ITPK1: variants seen among roughly 807,000 people sequenced by gnomAD.
The protein encoded by ITPK1 is inositol-tetrakisphosphate 1-kinase.
In ITPK1, 21 loss-of-function variants were observed where a neutral mutation model predicts 45.3. The ratio of observed to expected loss-of-function variants is 0.46; its 90% CI spans 0.33 to 0.67. ITPK1 has a LOEUF of 0.67. Among genes scored for constraint, ITPK1 ranks in the 30% least tolerant of loss-of-function variants. The probability of loss-of-function intolerance (pLI) is 0.02; values close to 1 mark genes in which losing one functional copy is unlikely to be tolerated. For synonymous variants in ITPK1, 258 were observed against 253.6 expected (o/e 1.02, Z -0.16); for missense variants, 474 against 573.5 (o/e 0.83, Z 1.77).
intron 3 of ITPK1, among the ~76,000 whole-genome samples, chr14:93,073,572 C>T (rs1052654862): frequency 1.3e-5 from 2 of 152,246 alleles, no homozygotes; most frequent in African/African-American, 2.4e-5. Context: ...AACCGACCTC[C>T]GGTCACCAGC....
rs1595067352 is a variant in ITPK1 at position 92,940,434 on chromosome 14, G to A, written c.*1127C>T. On this transcript the variant is annotated 3_prime_UTR_variant, in exon 11 of 11. Coordinates refer to ENST00000267615, the MANE Select transcript of ITPK1 (RefSeq NM_014216.6). ...CAAGGTGATGGGGTGAGTCTGAGGT[G>A]TGCAGAAGCGATGGGGGGCGGGTGG... The A allele has an allele frequency of 4.5e-6, 5 of 1,119,584 alleles. No individual in the cohort carries two copies. Among genetic ancestry groups the A allele is most frequent in the African/African-American group, 1.7e-5 (1 of 60,166 alleles). The allele number at this position is 1,119,584 out of a possible 1,614,324, so 69.4% of individuals were successfully genotyped here. A position where few individuals can be genotyped will look rare whatever the true frequency, so the allele number is the denominator to read the frequency against.
At position 93,032,964 on chromosome 14, in the gene ITPK1, G is replaced by C. The variant is rs941022020; in HGVS notation, c.121-16163C>G. On this transcript the variant is annotated intron_variant, in intron 3 of 10. Coordinates refer to ENST00000267615, the MANE Select transcript of ITPK1 (RefSeq NM_014216.6). The surrounding 1 kb of genome is among the most constrained non-coding windows in gnomAD (Gnocchi z 4.0). ...GTGGGCTTCATCTCCCTGGGCAGCA[G>C]TTGTGAGCTGCTGAGAAGGCATGGA... Among the ~76,000 whole-genome samples the C allele has an allele frequency of 3.3e-5, 5 of 152,262 alleles. No individual in the cohort carries two copies. The highest frequency in any genetic ancestry group is 7.3e-5 in the Non-Finnish European group (5 of 68,048).
At chr14:93,096,103 C>G (rs1386231290) in intron 2 of ITPK1, among the ~76,000 whole-genome samples, 1 of 152,166 alleles carries the variant, frequency 6.6e-6, no homozygotes, top group Non-Finnish European at 1.5e-5. Context: ...AGGCCTTGCC[C>G]CGGCCACGTC....
rs1891245204 is a variant in ITPK1 at position 93,076,941 on chromosome 14, C to T, written c.96-322G>A. ...AGCCTGGGTCGTCCCAAGGCCCCTG[C>T]CACCAAGTTCACCACCATCCTCACC... On this transcript the variant is annotated intron_variant, in intron 2 of 10. Transcript: ENST00000267615. This position sits in a 1 kb window ranked among gnomAD's most constrained non-coding sequence, Gnocchi z 4.3. Among the ~76,000 whole-genome samples the T allele has an allele frequency of 6.6e-6, 1 of 152,190 alleles. No individual in the cohort carries two copies. Among genetic ancestry groups the T allele is most frequent in the Non-Finnish European group, 1.5e-5 (1 of 68,042 alleles).
intron 3 of ITPK1, among the ~76,000 whole-genome samples, chr14:93,022,913 A>G (rs1261582753): frequency 6.6e-6 from 1 of 152,250 alleles, no homozygotes; most frequent in Non-Finnish European, 1.5e-5. Flanking sequence ...CTTGATAGAG[A>G]TAAGAGTAGG....
chr14:92,993,192 T>C (rs1262177283), intron 5 of ITPK1, among the ~76,000 whole-genome samples: 1 of 152,192 alleles, frequency 6.6e-6, no homozygotes, highest in Admixed American at 6.5e-5. Context: ...GGCCAAGCAC[T>C]TTTCCTTAAA....
At chr14:93,108,988 A>C (rs1892634268) in intron 2 of ITPK1, among the ~76,000 whole-genome samples, 1 of 152,194 alleles carries the variant, frequency 6.6e-6, no homozygotes, top group South Asian at 2.1e-4. Flanking sequence ...ACTCCAGTCT[A>C]GGCGACAGAG....
intron 2 of ITPK1, among the ~76,000 whole-genome samples, chr14:93,100,454 C>T (rs1341309740): frequency 6.6e-6 from 1 of 151,958 alleles, no homozygotes; most frequent in Non-Finnish European, 1.5e-5. Flanking sequence ...GGTGAGGACT[C>T]ACCTTGCACC....
At chr14:92,980,133 G>A (rs1438764972) in intron 5 of ITPK1, among the ~76,000 whole-genome samples, 1 of 152,138 alleles carries the variant, frequency 6.6e-6, no homozygotes. Flanking sequence ...AGCCCCAGAG[G>A]AGCACTGAGG....
At chr14:92,949,914 T>C (rs1447086946) in intron 9 of ITPK1, among the ~76,000 whole-genome samples, 1 of 152,174 alleles carries the variant, frequency 6.6e-6, no homozygotes, top group Non-Finnish European at 1.5e-5. Flanking sequence ...AAGGCGTTCA[T>C]GGGTCCCCAG....
chr14:93,011,294 G>T (rs1016653708), intron 4 of ITPK1, among the ~76,000 whole-genome samples: 1 of 152,220 alleles, frequency 6.6e-6, no homozygotes, highest in Non-Finnish European at 1.5e-5. Flanking sequence ...TGCTGGGTGA[G>T]GGGAGCTGTC....
chr14:93,066,710 T>C (rs1205650292), intron 3 of ITPK1, among the ~76,000 whole-genome samples: 1 of 152,162 alleles, frequency 6.6e-6, no homozygotes, highest in Non-Finnish European at 1.5e-5. Flanking sequence ...ACCTGACATT[T>C]AGCAGTTCTA....
chr14:93,032,011 G>C lies in ITPK1; in HGVS notation c.121-15210C>G, dbSNP rs1221722119. ...TATATTCATTGCTTTCCAATCCGAA[G>C]AGAGCATTCCTTGAGGCAGTTTTCC... On this transcript the variant is annotated intron_variant, in intron 3 of 10. Transcript: ENST00000267615. The surrounding 1 kb of genome is among the most constrained non-coding windows in gnomAD (Gnocchi z 4.0). Among the ~76,000 whole-genome samples the C allele has an allele frequency of 2.6e-5, 4 of 152,322 alleles. No homozygotes were observed. The East Asian group carries it at 7.7e-4, about 29-fold the overall frequency.
intron 3 of ITPK1, among the ~76,000 whole-genome samples, chr14:93,042,040 C>A (rs1041615049): frequency 6.6e-6 from 1 of 152,216 alleles, no homozygotes; most frequent in Non-Finnish European, 1.5e-5. Context: ...ACACAGCTGC[C>A]ATGTGCAGGT....
Position 92,939,738 on chromosome 14 carries a change from G to A in ITPK1, c.*1823C>T, listed in dbSNP as rs1230644103. 6.1e-6 allele frequency: 6 copies of A among 985,422 alleles called. No homozygotes were observed. Among genetic ancestry groups the A allele is most frequent in the Middle Eastern group, 5.2e-4 (1 of 1,936 alleles). 61.0% of individuals were successfully genotyped at this position (985,422 alleles called of 1,614,324 possible). Reference sequence around the variant, plus strand: ...GGAGTCACGCTGCACACCCCCACCCGTACCTGAGGCAGACTGGGATTGAAA... The same window carrying A: ...GGAGTCACGCTGCACACCCCCACCCATACCTGAGGCAGACTGGGATTGAAA... On this transcript the variant is annotated 3_prime_UTR_variant, in exon 11 of 11. Coordinates refer to ENST00000267615, the MANE Select transcript of ITPK1 (RefSeq NM_014216.6).
chr14:93,096,104 C>T (rs1001680939), intron 2 of ITPK1, among the ~76,000 whole-genome samples: 1 of 152,182 alleles, frequency 6.6e-6, no homozygotes, highest in African/African-American at 2.4e-5. Flanking sequence ...GGCCTTGCCC[C>T]GGCCACGTCC....
At chr14:92,962,318 G>T (rs999216197) in intron 7 of ITPK1, 37 bp downstream of exon 7, 2 of 1,512,300 alleles carry the variant, frequency 1.3e-6, no homozygotes, top group Non-Finnish European at 1.8e-6. Context: ...TGAAAGGATG[G>T]GGGTCAGGGA....
In ITPK1 at chr14:93,039,083, G is replaced by A. The variant is rs1003884698; in HGVS notation, c.121-22282C>T. On this transcript the variant is annotated intron_variant, in intron 3 of 10. Coordinates refer to ENST00000267615, the MANE Select transcript of ITPK1 (RefSeq NM_014216.6). Reference sequence around the variant, plus strand: ...CCGACCTTGCTGCCATGGCTACAGCGTCCGCCTGCATACGCCCAGCTCTCA... The same window carrying A: ...CCGACCTTGCTGCCATGGCTACAGCATCCGCCTGCATACGCCCAGCTCTCA... 4.6e-5 allele frequency among the ~76,000 whole-genome samples: 7 copies of A among 152,114 alleles called. No homozygotes were observed. In the South Asian group the frequency reaches 6.2e-4, roughly 14 times the overall value.
At chr14:93,111,921 C>T (rs1046556619) in intron 2 of ITPK1, among the ~76,000 whole-genome samples, 1 of 152,006 alleles carries the variant, frequency 6.6e-6, no homozygotes, top group South Asian at 2.1e-4. Context: ...CTAGCAGAGC[C>T]CCATCCTATC....
Sources: gnomAD v4.1 joint callset for allele counts (sites outside exome capture counted in the v4.1 genomes callset) on GRCh38, gnomAD v4.1.1 for gene constraint, Gnocchi (gnomAD v3.1) non-coding constraint, MANE v1.5 for transcripts, NCBI Gene and HGNC (gene_info 2026-07-23, HGNC 2026-07-21) for gene names.